The following TPH2 variants were observed in gnomAD, a reference collection of about 807,000 sequenced individuals.
The protein encoded by TPH2 is tryptophan hydroxylase 2.
A neutral mutation model predicts 59.1 loss-of-function variants in TPH2; 27 were observed. The observed-to-expected ratio is 0.46, with a 90% CI of 0.34 to 0.63. The LOEUF (loss-of-function observed/expected upper bound fraction) is 0.63, where lower values mean the gene tolerates loss of function less well. TPH2 is among the 30% of genes least tolerant of loss of function. The pLI, the probability that TPH2 is intolerant of heterozygous loss-of-function variation, is 0.01. For synonymous variants in TPH2, 220 were observed against 210.5 expected, an observed-to-expected ratio of 1.05 and a Z score of -0.39; for missense variants, 523 against 588.3, an observed-to-expected ratio of 0.89 and a Z score of 1.15.
intron 4 of TPH2, among the ~76,000 whole-genome samples, chr12:71,944,910 G>C (rs1306084171): frequency 2.0e-5 from 3 of 152,194 alleles, no homozygotes; most frequent in Non-Finnish European, 4.4e-5. Context: ...TTTTAAAAGG[G>C]TTGGATAGAG....
intron 5 of TPH2, among the ~76,000 whole-genome samples, chr12:71,961,398 A>T (rs1871677700): frequency 6.6e-6 from 1 of 152,248 alleles, no homozygotes; most frequent in African/African-American, 2.4e-5. Context: ...TAATTTGCAC[A>T]AGACCATGAG....
At chr12:72,014,536 G>A (rs1046457684) in intron 8 of TPH2, among the ~76,000 whole-genome samples, 11 of 151,732 alleles carry the variant, frequency 7.2e-5, no homozygotes, top group East Asian at 3.9e-4. Context: ...GATTACAGGC[G>A]CCCGTCCCCA....
chr12:72,029,620 C>G (rs1044011971), intron 9 of TPH2, among the ~76,000 whole-genome samples: 2 of 152,152 alleles, frequency 1.3e-5, no homozygotes, highest in Non-Finnish European at 2.9e-5. Context: ...GAATCTAGCA[C>G]AAATGCATTT....
chr12:72,001,737 G>A (rs907748123), intron 8 of TPH2, among the ~76,000 whole-genome samples: 2 of 151,982 alleles, frequency 1.3e-5, no homozygotes, highest in Admixed American at 6.6e-5. Flanking sequence ...CTCCAAAAGT[G>A]ATAAAAAGTT....
chr12:72,009,372 A>G (rs1370673826), intron 8 of TPH2, among the ~76,000 whole-genome samples: 1 of 152,232 alleles, frequency 6.6e-6, no homozygotes, highest in African/African-American at 2.4e-5. Context: ...ATTTCAAGTC[A>G]TCATCCTTTA....
chr12:72,004,070 C>G (rs1255877967), intron 8 of TPH2, among the ~76,000 whole-genome samples: 1 of 138,866 alleles, frequency 7.2e-6, no homozygotes, highest in Non-Finnish European at 1.6e-5. Flanking sequence ...TAGTCAACAG[C>G]TGGGATCTCT....
intron 8 of TPH2, among the ~76,000 whole-genome samples, chr12:72,018,955 C>T (rs1303976842): frequency 1.3e-5 from 2 of 152,158 alleles, no homozygotes; most frequent in Non-Finnish European, 2.9e-5. Context: ...ACTTCATCTT[C>T]CTCAACTTGA....
intron 9 of TPH2, among the ~76,000 whole-genome samples, chr12:72,024,007 A>C (rs1187106315): frequency 6.6e-6 from 1 of 152,180 alleles, no homozygotes; most frequent in Non-Finnish European, 1.5e-5. Context: ...AAGATCACAC[A>C]GTTAATAAGT....
chr12:71,979,875 C>A (rs1253886162), intron 7 of TPH2, among the ~76,000 whole-genome samples: 3 of 152,200 alleles, frequency 2.0e-5, no homozygotes, highest in Non-Finnish European at 2.9e-5. Flanking sequence ...TACTGGGAGA[C>A]AACTACATGC....
chr12:71,951,342 G>A (rs975273206), intron 5 of TPH2, among the ~76,000 whole-genome samples: 1 of 152,124 alleles, frequency 6.6e-6, no homozygotes, highest in Non-Finnish European at 1.5e-5. Flanking sequence ...TGGATCCTTA[G>A]AGGGGGTGTG....
At chr12:72,029,154 A>G (rs1211576424) in intron 9 of TPH2, among the ~76,000 whole-genome samples, 1 of 152,178 alleles carries the variant, frequency 6.6e-6, no homozygotes, top group Non-Finnish European at 1.5e-5. Context: ...AGCAATGGAG[A>G]CACAAACAGA....
chr12:71,978,462 T>C (rs1428897451), intron 6 of TPH2, among the ~76,000 whole-genome samples: 1 of 152,108 alleles, frequency 6.6e-6, no homozygotes, highest in Non-Finnish European at 1.5e-5. Flanking sequence ...CAGAAAACAA[T>C]ATAGAGTGAA....
intron 7 of TPH2, among the ~76,000 whole-genome samples, 182 bp downstream of exon 7, chr12:71,979,269 G>A (rs946199070): frequency 6.6e-6 from 1 of 152,180 alleles, no homozygotes; most frequent in Non-Finnish European, 1.5e-5. Context: ...CTGGGTCCGT[G>A]GGGGCCCCTG....
At chr12:71,994,621 G>T (rs1872651478) in intron 8 of TPH2, 56 bp downstream of exon 8, 1 of 1,602,694 alleles carries the variant, frequency 6.2e-7, no homozygotes, top group African/African-American at 1.3e-5. Flanking sequence ...GTAAGGTAAA[G>T]AAAGCTTCAG....
intron 8 of TPH2, among the ~76,000 whole-genome samples, chr12:72,009,620 G>A (rs777906131): frequency 1.1e-4 from 17 of 152,202 alleles, no homozygotes; most frequent in Non-Finnish European, 2.2e-4. Context: ...AAGAAAACTA[G>A]TCTTCCTTTT....
chr12:71,945,897 T>C (rs958669749), intron 4 of TPH2, among the ~76,000 whole-genome samples: 4 of 152,184 alleles, frequency 2.6e-5, no homozygotes, highest in African/African-American at 9.7e-5. Flanking sequence ...TAGCCTAAAA[T>C]TTCAGAATAT....
intron 5 of TPH2, among the ~76,000 whole-genome samples, chr12:71,972,106 A>C (rs576889717): frequency 6.6e-6 from 1 of 152,368 alleles, no homozygotes; most frequent in East Asian, 1.9e-4. Flanking sequence ...GGCAAGGGAC[A>C]AAAAGAACCC....
intron 5 of TPH2, among the ~76,000 whole-genome samples, chr12:71,970,746 C>T (rs1338688963): frequency 6.6e-6 from 1 of 152,232 alleles, no homozygotes; most frequent in Non-Finnish European, 1.5e-5. Flanking sequence ...GTCTTAGAAG[C>T]CTTGATCTTC....
At chr12:71,943,069 G>A (rs940524045) in intron 2 of TPH2, among the ~76,000 whole-genome samples, 1 of 151,506 alleles carries the variant, frequency 6.6e-6, no homozygotes, top group Non-Finnish European at 1.5e-5. Context: ...GTCATTAAAA[G>A]CCCAACGTGA....
Sources: gnomAD v4.1 joint callset for allele counts (sites outside exome capture counted in the v4.1 genomes callset) on GRCh38, gnomAD v4.1.1 for gene constraint, MANE v1.5 for transcripts, NCBI Gene and HGNC (gene_info 2026-07-23, HGNC 2026-07-21) for gene names.